GYG2: variants seen among roughly 807,000 people sequenced by gnomAD.
GYG2 encodes glycogenin-2.
Under a neutral mutation model 29.4 loss-of-function variants are expected in GYG2, and 29 were observed. The observed-to-expected ratio is 0.99, with a 90% CI of 0.74 to 1.35. GYG2 has a LOEUF of 1.35. Among genes scored for constraint, GYG2 ranks in the 40% most tolerant of loss-of-function variants. The pLI, the probability that GYG2 is intolerant of heterozygous loss-of-function variation, is 0.00. For missense variants in GYG2, 370 were observed against 385.7 expected, an observed-to-expected ratio of 0.96 and a Z score of 0.34; for synonymous variants, 167 against 172.3, an observed-to-expected ratio of 0.97 and a Z score of 0.24.
Position 2,849,703 on chromosome X carries a change from T to C in GYG2, c.150-4277T>C, listed in dbSNP as rs552879612. ...AGTTCTGTATTCAGCTTTAGTACCG[T>C]AATTTGAAAGCAAAACAAAGACTTT... is the stretch of plus-strand genomic sequence containing the variant. On this transcript the variant is annotated intron_variant, in intron 3 of 10. Transcript: ENST00000398806. Among the ~76,000 whole-genome samples the C allele has an allele frequency of 3.6e-5, 4 of 112,538 alleles. No homozygotes were observed. In the South Asian group the frequency reaches 1.5e-3, roughly 42 times the overall value.
intron 3 of GYG2, among the ~76,000 whole-genome samples, chrX:2,852,114 G>A (rs1026033472): frequency 3.6e-5 from 4 of 110,680 alleles, no homozygotes; most frequent in East Asian, 5.7e-4. Context: ...AAAATTAGCC[G>A]GGCATGGTGG....
In GYG2 at chrX:2,868,456, CAA is replaced by C. The variant is rs148463105; in HGVS notation, c.1038+6754_1038+6755del. 6.1e-3 allele frequency among the ~76,000 whole-genome samples: 198 copies of C among 32,476 alleles called. 1 individual carries two copies. The highest frequency in any genetic ancestry group is 0.016 in the African/African-American group (179 of 11,316). 28.2% of individuals were successfully genotyped at this position (32,476 alleles called of 115,157 possible). ...TGGGCAACAGAGTGAGACTCCGTCT[CAA>C]AAAAAAAAAAAAAAAAAAAGGTATT... On this transcript the variant is annotated intron_variant, in intron 8 of 10. Coordinates refer to ENST00000398806, the MANE Select transcript of GYG2 (RefSeq NM_001079855.2).
intron 5 of GYG2, among the ~76,000 whole-genome samples, chrX:2,855,464 C>T (rs2087963168): frequency 9.0e-6 from 1 of 111,515 alleles, no homozygotes; most frequent in African/African-American, 3.3e-5. Context: ...TGGGAGGTAT[C>T]TGTGTTCTAA....
intron 8 of GYG2, among the ~76,000 whole-genome samples, chrX:2,863,130 A>G (rs1042889415): frequency 9.3e-6 from 1 of 107,371 alleles, no homozygotes. Context: ...GCTGGAATGC[A>G]GTAGCCCAAT....
intron 8 of GYG2, among the ~76,000 whole-genome samples, chrX:2,868,156 T>C (rs1260523816): frequency 9.0e-6 from 1 of 110,987 alleles, no homozygotes; most frequent in African/African-American, 3.3e-5. Flanking sequence ...AGCGTTATGT[T>C]GGCTGACTGC....
chrX:2,832,805 G>A (rs1469936387), intron 2 of GYG2, among the ~76,000 whole-genome samples: 2 of 112,182 alleles, frequency 1.8e-5, no homozygotes, highest in Admixed American at 9.4e-5. Context: ...AAAGTGTTGG[G>A]ATTACAGGCG....
chrX:2,837,000 C>A (rs1256677629), intron 2 of GYG2, among the ~76,000 whole-genome samples: 1 of 111,133 alleles, frequency 9.0e-6, no homozygotes, highest in Non-Finnish European at 1.9e-5. Context: ...AATGAACAAC[C>A]CCAACATTTT....
At chrX:2,872,936 A>AGT (rs2088506242) in intron 8 of GYG2, among the ~76,000 whole-genome samples, 1 of 112,074 alleles carries the variant, frequency 8.9e-6, no homozygotes, top group Non-Finnish European at 1.9e-5. Context: ...TATGGGATTC[A>AGT]TATGGTTTAT....
chrX:2,880,164 ATGTGTGTGTG>A (rs10534403), intron 10 of GYG2, among the ~76,000 whole-genome samples: 12 of 105,225 alleles, frequency 1.1e-4, no homozygotes, highest in Admixed American at 5.1e-4. Flanking sequence ...GCCAAACAAA[ATGTGTGTGTG>A]TGTGTGTGTG....
At chrX:2,856,682 T>A in intron 6 of GYG2, 58 bp downstream of exon 6, 1 of 1,029,800 alleles carries the variant, frequency 9.7e-7, no homozygotes, top group Admixed American at 2.3e-5. Context: ...CCACCTTCCC[T>A]CCTGGAAGAC....
chrX:2,860,923 T>C (rs1215244603), intron 7 of GYG2, among the ~76,000 whole-genome samples: 1 of 110,042 alleles, frequency 9.1e-6, no homozygotes, highest in African/African-American at 3.3e-5. Context: ...GGAGACGGGG[T>C]TTTGCCACGT....
At chrX:2,857,761 G>A (rs1416946268) in intron 6 of GYG2, among the ~76,000 whole-genome samples, 1 of 110,969 alleles carries the variant, frequency 9.0e-6, no homozygotes, top group East Asian at 2.8e-4. Flanking sequence ...AAGGCTCTAC[G>A]ACAATGATCC....
At chrX:2,858,831 G>A in intron 6 of GYG2, among the ~76,000 whole-genome samples, 1 of 111,458 alleles carries the variant, frequency 9.0e-6, no homozygotes, top group East Asian at 2.8e-4. Context: ...TGGTGATGAT[G>A]AACAACAAAA....
At chrX:2,879,547 A>G (rs773714591) in intron 10 of GYG2, among the ~76,000 whole-genome samples, 2 of 112,289 alleles carry the variant, frequency 1.8e-5, no homozygotes, top group South Asian at 7.4e-4. Flanking sequence ...TTACAGGCAT[A>G]AACCACCACA....
At chrX:2,834,592 G>C (rs146340245) in intron 2 of GYG2, among the ~76,000 whole-genome samples, 1,610 of 111,686 alleles carry the variant, frequency 0.014, 31 homozygotes, top group African/African-American at 0.049. Flanking sequence ...TACCTTGTCA[G>C]CTGCTGGGCC....
rs1295816958 is a variant in GYG2 at position 2,877,233 on chromosome X, G to A, written c.1177G>A (p.Glu393Lys). The A allele has an allele frequency of 1.2e-5, 15 of 1,207,171 alleles. No homozygotes were observed. The highest frequency in any genetic ancestry group is 1.8e-5 in the African/African-American group (1 of 56,836). ...AAATAAAGTCGAAAGTGTCTCATCCGAGGAAACCTTCGAACCAAGCCAGGA... is the reference window on the plus strand; with the variant it reads ...AAATAAAGTCGAAAGTGTCTCATCCAAGGAAACCTTCGAACCAAGCCAGGA... ...PANKVESVSS[E>K]ETFEPSQELP... Residue 393 changes from glutamate (E) to lysine (K), a missense_variant, in exon 10 of 11, where the codon GAG becomes AAG. Glu to Lys is a moderately conservative substitution (Grantham distance 56). Transcript: ENST00000398806.
In GYG2 at chrX:2,865,812, A is replaced by G. The variant is rs991016915; in HGVS notation, c.1038+4090A>G. ...GGGATTAAAAATAAGCACAGCCAGGATGGAGAAGAGTATGAAGGTTCCTCA... is the reference window on the plus strand; with the variant it reads ...GGGATTAAAAATAAGCACAGCCAGGGTGGAGAAGAGTATGAAGGTTCCTCA... On this transcript the variant is annotated intron_variant, in intron 8 of 10. Transcript: ENST00000398806. Among the ~76,000 whole-genome samples the G allele has an allele frequency of 2.7e-5, 3 of 111,925 alleles. No individual in the cohort carries two copies. In the South Asian group the frequency reaches 1.1e-3, roughly 42 times the overall value.
At chrX:2,838,850 G>T (rs1194242993) in intron 2 of GYG2, among the ~76,000 whole-genome samples, 4 of 111,742 alleles carry the variant, frequency 3.6e-5, no homozygotes, top group Non-Finnish European at 3.8e-5. Context: ...GTTTATAGAT[G>T]TATCCCTCTC....
intron 5 of GYG2, 63 bp from the exon 6 acceptor site, chrX:2,856,435 G>A: frequency 3.6e-6 from 4 of 1,095,992 alleles, no homozygotes; most frequent in East Asian, 3.1e-5. Context: ...GGCACATCTC[G>A]CATTCTTGGA....
Sources: allele counts gnomAD v4.1 joint callset (sites outside exome capture counted in the v4.1 genomes callset), GRCh38; gene constraint gnomAD v4.1.1; transcripts MANE v1.5; gene names NCBI Gene and HGNC (gene_info 2026-07-23, HGNC 2026-07-21).